Variants in SH2D4B observed in about 807,000 individuals in gnomAD.
SH2D4B encodes SH2 domain containing 4B.
SH2D4B carries 45 observed loss-of-function variants against 61.5 expected under a neutral mutation model. The observed-to-expected ratio is 0.73, with a 90% CI of 0.58 to 0.94. The LOEUF is 0.94. Ranked by LOEUF, SH2D4B falls within the 40% of genes least tolerant of loss-of-function variation. The pLI, the probability that SH2D4B is intolerant of heterozygous loss-of-function variation, is 0.00. For missense variants in SH2D4B, 572 were observed against 574.2 expected (o/e 1.00, Z 0.04); for synonymous variants, 224 against 220.4 (o/e 1.02, Z -0.14).
At chr10:80,561,244 A>G (rs1841899310) in intron 1 of SH2D4B, among the ~76,000 whole-genome samples, 1 of 152,234 alleles carries the variant, frequency 6.6e-6, no homozygotes, top group African/African-American at 2.4e-5. Context: ...AACGGATAGA[A>G]TTCATGCCAA....
rs372312867 is a variant in SH2D4B at position 80,584,375 on chromosome 10, A to T, written c.496-4255A>T. Among the ~76,000 whole-genome samples, 5 of 152,234 alleles carry T rather than the reference A, an allele frequency of 3.3e-5. No individual in the cohort carries two copies. In the East Asian group the frequency reaches 9.6e-4, roughly 29 times the overall value. On this transcript the variant is annotated intron_variant, in intron 3 of 7. Transcript: ENST00000646907. ...GATAACTTTTGTATTGTCTGTTATAAGAAAAAGCACTTGGTTAAACACAGA... is the reference window on the plus strand; with the variant it reads ...GATAACTTTTGTATTGTCTGTTATATGAAAAAGCACTTGGTTAAACACAGA...
At chr10:80,622,425 G>A (rs1301194030) in intron 6 of SH2D4B, among the ~76,000 whole-genome samples, 4 of 152,188 alleles carry the variant, frequency 2.6e-5, no homozygotes, top group Non-Finnish European at 1.5e-5. Context: ...GCAGTTAAAC[G>A]AGGGCCAGGA....
intron 6 of SH2D4B, among the ~76,000 whole-genome samples, chr10:80,613,523 G>T (rs11186280): frequency 1.3e-5 from 2 of 152,322 alleles, no homozygotes; most frequent in African/African-American, 4.8e-5. Flanking sequence ...GGGACTACCC[G>T]GTGGGTGACA....
chr10:80,558,998 A>G (rs949052029), intron 1 of SH2D4B, among the ~76,000 whole-genome samples: 4 of 152,088 alleles, frequency 2.6e-5, no homozygotes, highest in African/African-American at 9.7e-5. Context: ...GTAGCACATA[A>G]TATTCTTTTA....
intron 1 of SH2D4B, among the ~76,000 whole-genome samples, chr10:80,542,344 C>G (rs1841591686): frequency 6.6e-6 from 1 of 151,532 alleles, no homozygotes; most frequent in Non-Finnish European, 1.5e-5. Context: ...ACTGAGGACA[C>G]ATGTCCACAC....
chr10:80,599,062 C>T (rs533489530), intron 4 of SH2D4B, among the ~76,000 whole-genome samples: 34 of 152,172 alleles, frequency 2.2e-4, no homozygotes, highest in Admixed American at 1.2e-3. Context: ...TTTGACAGAG[C>T]GGAGTGGGAA....
chr10:80,600,370 C>T (rs1426540298), intron 4 of SH2D4B, among the ~76,000 whole-genome samples: 1 of 152,224 alleles, frequency 6.6e-6, no homozygotes, highest in East Asian at 1.9e-4. Context: ...CTGAATTCTA[C>T]AGGACACTGA....
intron 4 of SH2D4B, among the ~76,000 whole-genome samples, chr10:80,600,552 T>TGC (rs1226860435): frequency 2.7e-5 from 4 of 150,414 alleles, no homozygotes. Context: ...TGTGTGTGTG[T>TGC]GCTGGGGAAG....
chr10:80,622,472 G>A (rs1589360944), intron 6 of SH2D4B, among the ~76,000 whole-genome samples: 1 of 152,208 alleles, frequency 6.6e-6, no homozygotes, highest in African/African-American at 2.4e-5. Flanking sequence ...TGCTTGTGTA[G>A]TTTTTGTGTA....
intron 7 of SH2D4B, among the ~76,000 whole-genome samples, chr10:80,641,053 G>GCT (rs1343401776): frequency 2.6e-5 from 4 of 152,206 alleles, no homozygotes; most frequent in African/African-American, 9.6e-5. Flanking sequence ...AGGTCCCTCA[G>GCT]CTGCAGGTCT....
chr10:80,556,408 A>G (rs1195261777), intron 1 of SH2D4B, among the ~76,000 whole-genome samples: 1 of 152,204 alleles, frequency 6.6e-6, no homozygotes, highest in Non-Finnish European at 1.5e-5. Flanking sequence ...GTTCTTTTCA[A>G]CATTGTTTTG....
chr10:80,570,131 T>C, intron 1 of SH2D4B, 23 bp from the exon 2 acceptor site: 1 of 1,613,842 alleles, frequency 6.2e-7, no homozygotes, highest in Non-Finnish European at 8.5e-7. Context: ...AACTTGTTTC[T>C]TCTTCCTTCT....
chr10:80,589,695 C>T (rs1842303726), intron 4 of SH2D4B, among the ~76,000 whole-genome samples: 1 of 152,154 alleles, frequency 6.6e-6, no homozygotes, highest in South Asian at 2.1e-4. Context: ...GGATGTAGCA[C>T]ATACAACATA....
At chr10:80,553,256 CTTT>C (rs1423282196) in intron 1 of SH2D4B, among the ~76,000 whole-genome samples, 1 of 152,112 alleles carries the variant, frequency 6.6e-6, no homozygotes, top group African/African-American at 2.4e-5. Context: ...CACTGGTGTG[CTTT>C]TTTTCTGGGC....
At position 80,612,198 on chromosome 10, in the gene SH2D4B, T is replaced by TTTTTTTTTTTC. The variant is rs59848195; in HGVS notation, c.988+2647_988+2648insTTTTTTTTTTC. On this transcript the variant is annotated intron_variant, in intron 6 of 7. Coordinates refer to ENST00000646907, the MANE Select transcript of SH2D4B (RefSeq NM_001388272.1). ...CCACTCCTGCTTTTTTTTTTTTTTT[T>TTTTTTTTTTTC]CAACTTTACTCACTTATAAAATCCC... 5.7e-4 allele frequency among the ~76,000 whole-genome samples: 71 copies of TTTTTTTTTTTC among 125,202 alleles called. 2 individuals are homozygous for TTTTTTTTTTTC. Among genetic ancestry groups the TTTTTTTTTTTC allele is most frequent in the Middle Eastern group, 4.2e-3 (1 of 236 alleles). 82.1% of individuals were successfully genotyped at this position (125,202 alleles called of 152,430 possible).
In SH2D4B at chr10:80,634,468, G is replaced by C. The variant is rs866111273; in HGVS notation, c.1172G>C (p.Arg391Pro). ...AGCTTCCTGGGAGTGGACCCCAATC[G>C]CCATGCAACGCTCACGGATCTCGTT... ...FYSFLGVDPNRHATLTDLVDF... is the reference protein window; with the variant it reads ...FYSFLGVDPNPHATLTDLVDF... Residue 391 changes from arginine (R) to proline (P), a missense_variant, in exon 7 of 8, where the codon CGC becomes CCC. By Grantham distance (103) the Arg-to-Pro change is moderately radical. Coordinates refer to ENST00000646907, the MANE Select transcript of SH2D4B (RefSeq NM_001388272.1). 3 of 1,550,286 alleles carry C rather than the reference G, an allele frequency of 1.9e-6. No homozygotes were observed. The African/African-American group carries it at 4.1e-5, about 21-fold the overall frequency.
chr10:80,619,124 C>T (rs1162969969), intron 6 of SH2D4B, among the ~76,000 whole-genome samples: 3 of 152,030 alleles, frequency 2.0e-5, no homozygotes, highest in Admixed American at 2.0e-4. Context: ...AAGGATGCAC[C>T]GGGATTTGTG....
intron 6 of SH2D4B, 124 bp downstream of exon 6, chr10:80,609,675 TCTGTCC>T (rs1842572182): frequency 6.9e-7 from 1 of 1,457,654 alleles, no homozygotes; most frequent in Non-Finnish European, 9.4e-7. Flanking sequence ...CAATCTCCAT[TCTGTCC>T]CTCTCCCAGT....
chr10:80,543,328 C>T (rs1055926386), intron 1 of SH2D4B, among the ~76,000 whole-genome samples: 5 of 152,102 alleles, frequency 3.3e-5, no homozygotes, highest in Admixed American at 3.3e-4. Flanking sequence ...GCTGGGCGGA[C>T]CCCGCACTCG....
Sources: allele counts gnomAD v4.1 joint callset (sites outside exome capture counted in the v4.1 genomes callset), GRCh38; gene constraint gnomAD v4.1.1; transcripts MANE v1.5; gene names NCBI Gene and HGNC (gene_info 2026-07-23, HGNC 2026-07-21).